The following PCLO variants were observed in gnomAD, a reference collection of about 807,000 sequenced individuals.
PCLO encodes piccolo presynaptic cytomatrix protein.
PCLO carries 82 observed loss-of-function variants against 427.5 expected under a neutral mutation model. That is an observed-to-expected ratio of 0.19 (90% CI 0.16 to 0.23). PCLO has a LOEUF of 0.23. PCLO is among the 10% of genes least tolerant of loss of function. The pLI is 1.00. For missense variants in PCLO, 6,239 were observed against 6,115.9 expected (o/e 1.02, Z -0.67); for synonymous variants, 2,357 against 2,155.4 (o/e 1.09, Z -2.59).
chr7:82,887,500 T>C (rs1480546196), intron 9 of PCLO, among the ~76,000 whole-genome samples: 1 of 152,186 alleles, frequency 6.6e-6, no homozygotes, highest in Admixed American at 6.5e-5. Flanking sequence ...GAATCAATTA[T>C]TCATTCCTTT....
In PCLO at chr7:82,953,022, G is replaced by C. The variant is rs1360636773; in HGVS notation, c.7931C>G (p.Ala2644Gly). Residue 2644 changes from alanine to glycine, a missense_variant, in exon 5 of 25, where the codon GCT (alanine) becomes GGT (glycine). By Grantham distance (60) the Ala-to-Gly change is moderately conservative. Around this residue, in one of 5 missense-constraint regions of PCLO, gnomAD observed 4,677 missense variants for 4,468.4 expected, o/e 1.05. Coordinates refer to ENST00000333891, the MANE Select transcript of PCLO (RefSeq NM_033026.6). ...SSEQTFYISG[A>G]LQTFSATPVT... ...AGGGGTAGCAGAAAATGTCTGTAAA[G>C]CTCCAGAGATGTAGAAGGTCTGTTC... 1.2e-6 allele frequency: 2 copies of C among 1,613,922 alleles called. No individual in the cohort carries two copies. Among genetic ancestry groups the C allele is most frequent in the East Asian group, 2.2e-5 (1 of 44,854 alleles).
chr7:82,963,689 CATTATT>C lies in PCLO; in HGVS notation c.4017+2076_4017+2081del, dbSNP rs767840732. Among the ~76,000 whole-genome samples the C allele has an allele frequency of 4.2e-4, 64 of 152,084 alleles. 1 individual carries two copies. The highest frequency in any genetic ancestry group is 5.2e-4 in the Admixed American group (8 of 15,260). On this transcript the variant is annotated intron_variant, in intron 4 of 24. Coordinates refer to ENST00000333891, the MANE Select transcript of PCLO (RefSeq NM_033026.6). The stretch of plus-strand genomic sequence containing the variant: ...ATAATCAGTGCTCTCTCTAAAATAT[CATTATT>C]AAACACCTTTTAAGGTGATCAAATG...
chr7:83,119,662 G>A (rs1024974261), intron 3 of PCLO, among the ~76,000 whole-genome samples: 1 of 151,542 alleles, frequency 6.6e-6, no homozygotes, highest in African/African-American at 2.4e-5. Flanking sequence ...AAAACATCCA[G>A]GAAAAAAATG....
chr7:83,150,917 TA>T (rs1670702331), intron 2 of PCLO, among the ~76,000 whole-genome samples: 1 of 152,212 alleles, frequency 6.6e-6, no homozygotes, highest in African/African-American at 2.4e-5. Flanking sequence ...CCCAGAGTGT[TA>T]CATCCTCTTT....
chr7:82,814,388 T>A (rs1265829166), intron 20 of PCLO, among the ~76,000 whole-genome samples: 1 of 151,604 alleles, frequency 6.6e-6, no homozygotes, highest in East Asian at 1.9e-4. Context: ...GGTTATTCAG[T>A]CTTTGACTAT....
chr7:83,162,671 T>A lies in PCLO; in HGVS notation c.-79A>T. 1 of 1,457,938 alleles carries A rather than the reference T, an allele frequency of 6.9e-7. No homozygotes were observed. The highest frequency in any genetic ancestry group is 9.0e-7 in the Non-Finnish European group (1 of 1,109,330). 90.3% of individuals were successfully genotyped at this position (1,457,938 alleles called of 1,614,324 possible). ...GAGAAGCCCGCGGCCAGGGGAGCAG[T>A]CAGAGCCGGGGTCCGCCTCGGGGCG... On this transcript the variant is annotated 5_prime_UTR_variant, in exon 1 of 25. Coordinates refer to ENST00000333891, the MANE Select transcript of PCLO (RefSeq NM_033026.6).
In PCLO at chr7:82,965,810, T is replaced by C; in HGVS notation, c.3978A>G (p.Thr1326=). The C allele has an allele frequency of 6.2e-7, 1 of 1,612,766 alleles. No individual in the cohort carries two copies. The highest frequency in any genetic ancestry group is 8.5e-7 in the Non-Finnish European group (1 of 1,179,534). Residue 1326 remains threonine, a synonymous_variant, in exon 4 of 25, where the codon ACA becomes ACG. Transcript: ENST00000333891. The part of the protein sequence containing the change: ...TIKEQPQPPC[T]AKPDQVEPGK... ...CAGGTTCCACCTGATCAGGTTTTGC[T>C]GTGCATGGTGGCTGTGGCTGTTCTT... is the stretch of plus-strand genomic sequence containing the variant.
chr7:82,999,839 A>T (rs1487836926), intron 3 of PCLO, among the ~76,000 whole-genome samples: 2 of 94,522 alleles, frequency 2.1e-5, no homozygotes, highest in Non-Finnish European at 3.8e-5. Flanking sequence ...TATTAAATAT[A>T]AAATATAATA....
chr7:83,093,492 A>ATATATATATATATATATATATTTTT, intron 3 of PCLO, among the ~76,000 whole-genome samples: 1 of 59,316 alleles, frequency 1.7e-5, no homozygotes. Flanking sequence ...ATATATATAT[A>ATATATATATATATATATATATTTTT]TTTTTTTTTT....
intron 3 of PCLO, among the ~76,000 whole-genome samples, chr7:82,991,981 G>A (rs41571): frequency 0.74 from 112,809 of 152,012 alleles, 42,255 homozygotes; most frequent in East Asian, 0.92. Context: ...ATACCACTGT[G>A]AGTTTCAGGG....
At position 83,053,738 on chromosome 7, in the gene PCLO, CT is replaced by C. The variant is rs1470046481; in HGVS notation, c.3300+80511del. ...ATTCTGAGTTTTCAATAACTCTCTTCTTTTCAATCTAGATAATTACTTCCTA... is the reference window on the plus strand; with the variant it reads ...ATTCTGAGTTTTCAATAACTCTCTTCTTTCAATCTAGATAATTACTTCCTA... On this transcript the variant is annotated intron_variant, in intron 3 of 24. Coordinates refer to ENST00000333891, the MANE Select transcript of PCLO (RefSeq NM_033026.6). Among the ~76,000 whole-genome samples, 2 of 151,810 alleles carry C rather than the reference CT, an allele frequency of 1.3e-5. 1 individual carries two copies. Among genetic ancestry groups the C allele is most frequent in the Admixed American group, 1.3e-4 (2 of 15,208 alleles).
At chr7:82,887,391 C>T (rs756682118) in intron 9 of PCLO, among the ~76,000 whole-genome samples, 2 of 152,130 alleles carry the variant, frequency 1.3e-5, no homozygotes, top group Non-Finnish European at 2.9e-5. Flanking sequence ...TTTTCTACTG[C>T]CAGTTCACAT....
At position 82,841,455 on chromosome 7, in the gene PCLO, A is replaced by T. The variant is rs1308533055; in HGVS notation, c.14097+4T>A. On this transcript the variant is annotated splice_donor_region_variant and intron_variant, in intron 14 of 24. Transcript: ENST00000333891. Reference sequence around the variant, plus strand: ...TAATGGCGACTTTTTAAAAAACTTCATACCTGAATTTCTCCTGTAATTGGA... The same window carrying T: ...TAATGGCGACTTTTTAAAAAACTTCTTACCTGAATTTCTCCTGTAATTGGA... 1.3e-6 allele frequency: 2 copies of T among 1,594,340 alleles called. No homozygotes were observed. The highest frequency in any genetic ancestry group is 1.7e-5 in the Admixed American group (1 of 59,684).
At chr7:82,928,596 A>C (rs1421744917) in intron 6 of PCLO, among the ~76,000 whole-genome samples, 1 of 152,064 alleles carries the variant, frequency 6.6e-6, no homozygotes, top group Non-Finnish European at 1.5e-5. Context: ...GTTGGTCTCG[A>C]ACTCCTGACC....
At chr7:82,912,172 C>A (rs1794338825) in intron 7 of PCLO, among the ~76,000 whole-genome samples, 1 of 151,840 alleles carries the variant, frequency 6.6e-6, no homozygotes, top group Non-Finnish European at 1.5e-5. Flanking sequence ...TTATACTACT[C>A]AAAATTATCT....
At chr7:82,863,836 A>T (rs1793026115) in intron 10 of PCLO, among the ~76,000 whole-genome samples, 2 of 152,090 alleles carry the variant, frequency 1.3e-5, no homozygotes, top group Admixed American at 1.3e-4. Flanking sequence ...TGGTTATTTC[A>T]GTTAAAAGGA....
At chr7:83,113,661 T>G (rs1387930862) in intron 3 of PCLO, among the ~76,000 whole-genome samples, 3 of 152,166 alleles carry the variant, frequency 2.0e-5, no homozygotes, top group African/African-American at 7.2e-5. Context: ...ATCTACTGTA[T>G]GCTAAGCACC....
intron 9 of PCLO, among the ~76,000 whole-genome samples, chr7:82,902,319 C>T (rs12674119): frequency 0.082 from 12,315 of 150,916 alleles, 1,096 homozygotes; most frequent in East Asian, 0.43. Flanking sequence ...AGTAAACTAT[C>T]GCAAGGACAA....
intron 3 of PCLO, among the ~76,000 whole-genome samples, chr7:83,057,346 ATATTTTTTTTTTTTTTTTT>A (rs1335648097): frequency 1.1e-4 from 2 of 18,282 alleles, no homozygotes; most frequent in African/African-American, 4.0e-4. Context: ...ATATATATAT[ATATTTTTTTTTTTTTTTTT>A]TTTTTTTTTT....
Sources: allele counts gnomAD v4.1 joint callset (sites outside exome capture counted in the v4.1 genomes callset), GRCh38; gene constraint gnomAD v4.1.1; regional missense constraint gnomAD v4.1.1; transcripts MANE v1.5; gene names NCBI Gene and HGNC (gene_info 2026-07-23, HGNC 2026-07-21).